The following INPP4B variants were observed in gnomAD, a reference collection of about 807,000 sequenced individuals.
INPP4B encodes the protein inositol polyphosphate-4-phosphatase type II B.
Under a neutral mutation model 122.5 loss-of-function variants are expected in INPP4B, and 55 were observed. That is an observed-to-expected ratio of 0.45 (90% CI 0.36 to 0.56). The LOEUF (loss-of-function observed/expected upper bound fraction) is 0.56. Ranked by LOEUF, INPP4B falls within the 20% of genes least tolerant of loss-of-function variation. INPP4B has a pLI of 0.00. For synonymous variants in INPP4B, 403 were observed against 388.7 expected (o/e 1.04, Z -0.43); for missense variants, 1,000 against 1,097.7 (o/e 0.91, Z 1.26).
In INPP4B at chr4:142,124,754, C is replaced by G. The variant is rs761859166; in HGVS notation, c.1727G>C (p.Trp576Ser). The change falls in exon 19 of 26, where the codon TGG becomes TCG. Residue 576 changes from tryptophan (W) to serine (S), a missense_variant. Trp to Ser is a radical substitution (Grantham distance 177). Coordinates refer to ENST00000262992, the MANE Select transcript of INPP4B (RefSeq NM_001101669.3). ...GATGAGGGGATACAACTGTTCATAC[C>G]AGTCCTCTGGGGGAAGGGGGTGTAA... is the stretch of plus-strand genomic sequence containing the variant. Reference protein sequence around the residue: ...DAIPSHPREDWYEQLYPLILT... With the variant: ...DAIPSHPREDSYEQLYPLILT... 6.4e-7 allele frequency: 1 copy of G among 1,552,542 alleles called. No homozygotes were observed. The highest frequency in any genetic ancestry group is 1.8e-5 in the Admixed American group (1 of 54,616).
At chr4:142,580,356 AT>A (rs1156608622) in intron 2 of INPP4B, among the ~76,000 whole-genome samples, 1 of 152,010 alleles carries the variant, frequency 6.6e-6, no homozygotes, top group Non-Finnish European at 1.5e-5. Context: ...TGCTCAGCAA[AT>A]ATTAGCAGTC....
intron 1 of INPP4B, among the ~76,000 whole-genome samples, chr4:142,739,924 C>G (rs1767659774): frequency 1.3e-5 from 2 of 151,934 alleles, no homozygotes; most frequent in Admixed American, 1.3e-4. Context: ...TGAAAAGAGA[C>G]ATGAAGAACA....
At chr4:142,119,381 GACTT>G (rs967654804) in intron 21 of INPP4B, among the ~76,000 whole-genome samples, 2 of 152,070 alleles carry the variant, frequency 1.3e-5, no homozygotes, top group African/African-American at 4.8e-5. Context: ...CAATAGCAAA[GACTT>G]GGAACCAACC....
intron 12 of INPP4B, 48 bp from the exon 13 acceptor site, chr4:142,209,074 A>G: frequency 2.1e-6 from 3 of 1,400,732 alleles, no homozygotes; most frequent in Non-Finnish European, 3.0e-6. Context: ...TCTTAAATCC[A>G]TAAACGCATA....
At chr4:142,565,957 G>A (rs565795411) in intron 2 of INPP4B, 1 of 152,250 alleles carries the variant, frequency 6.6e-6, no homozygotes, top group South Asian at 2.1e-4. Flanking sequence ...TAGTATAAGA[G>A]ACACACCAAC....
chr4:142,721,018 C>T (rs959791075), intron 2 of INPP4B, among the ~76,000 whole-genome samples: 3 of 149,908 alleles, frequency 2.0e-5, no homozygotes, highest in African/African-American at 7.4e-5. Flanking sequence ...ATCTAGTGGA[C>T]ATGTTACCAA....
intron 7 of INPP4B, among the ~76,000 whole-genome samples, chr4:142,392,458 T>C (rs958795368): frequency 2.0e-5 from 3 of 152,210 alleles, no homozygotes; most frequent in African/African-American, 7.2e-5. Flanking sequence ...TTGATAAAGA[T>C]GAAAGCCCAA....
chr4:142,182,319 T>C (rs1831160038), intron 15 of INPP4B, among the ~76,000 whole-genome samples: 1 of 151,938 alleles, frequency 6.6e-6, no homozygotes, highest in Non-Finnish European at 1.5e-5. Context: ...GAGGCTGAGG[T>C]GGGCGGATCA....
At chr4:142,553,953 G>A (rs925513324) in intron 2 of INPP4B, among the ~76,000 whole-genome samples, 4 of 152,114 alleles carry the variant, frequency 2.6e-5, no homozygotes, top group Admixed American at 6.5e-5. Context: ...CACTTTGGGA[G>A]GCCGAAGTGG....
At chr4:142,809,304 G>A (rs948098784) in intron 1 of INPP4B, among the ~76,000 whole-genome samples, 2 of 152,040 alleles carry the variant, frequency 1.3e-5, no homozygotes, top group Non-Finnish European at 2.9e-5. Flanking sequence ...TATAAGAAAA[G>A]ACGTTAAGAG....
intron 18 of INPP4B, among the ~76,000 whole-genome samples, chr4:142,143,595 A>C (rs1049272599): frequency 6.6e-6 from 1 of 152,074 alleles, no homozygotes; most frequent in African/African-American, 2.4e-5. Context: ...ATTTAAGTTA[A>C]AAATAAAATA....
chr4:142,721,662 A>C (rs1764701985), intron 2 of INPP4B, among the ~76,000 whole-genome samples: 1 of 152,138 alleles, frequency 6.6e-6, no homozygotes, highest in Non-Finnish European at 1.5e-5. Context: ...CTCTACTAAA[A>C]ATACAAAAAT....
chr4:142,289,976 C>T (rs566186728), intron 9 of INPP4B, among the ~76,000 whole-genome samples: 16 of 152,196 alleles, frequency 1.1e-4, no homozygotes, highest in African/African-American at 3.4e-4. Flanking sequence ...TCACTCCTCC[C>T]TTGAATTAAG....
intron 15 of INPP4B, among the ~76,000 whole-genome samples, chr4:142,180,532 A>G (rs1170499890): frequency 6.6e-6 from 1 of 152,248 alleles, no homozygotes; most frequent in East Asian, 1.9e-4. Context: ...CTAGTTTTTC[A>G]GGGATTATAT....
Position 142,336,685 on chromosome 4 carries a change from G to C in INPP4B, c.373-21923C>G, listed in dbSNP as rs193016714. On this transcript the variant is annotated intron_variant, in intron 7 of 25. Transcript: ENST00000262992. ...CCAGATGCTGGTGCCCAAGGCGGAA[G>C]CCAATTGTAGCACGTTGGGCCCAGT... is the stretch of plus-strand genomic sequence containing the variant. 5.1e-4 allele frequency among the ~76,000 whole-genome samples: 77 copies of C among 152,346 alleles called. 1 individual carries two copies. Among genetic ancestry groups the C allele is most frequent in the Non-Finnish European group, 5.9e-5 (4 of 68,032 alleles).
chr4:142,187,995 A>G (rs1281985764), intron 15 of INPP4B, among the ~76,000 whole-genome samples: 1 of 152,142 alleles, frequency 6.6e-6, no homozygotes, highest in Non-Finnish European at 1.5e-5. Flanking sequence ...ATATGTGGGA[A>G]AAAAAGACTG....
At chr4:142,441,275 T>G (rs749441089) in intron 3 of INPP4B, among the ~76,000 whole-genome samples, 2 of 152,132 alleles carry the variant, frequency 1.3e-5, no homozygotes, top group African/African-American at 4.8e-5. Context: ...TAAGCCAAGA[T>G]AGAAGTATAT....
At chr4:142,067,242 C>G (rs936892820) in intron 25 of INPP4B, among the ~76,000 whole-genome samples, 1 of 152,222 alleles carries the variant, frequency 6.6e-6, no homozygotes, top group Admixed American at 6.5e-5. Flanking sequence ...CAAACTCCAA[C>G]AGACCTGCAG....
intron 18 of INPP4B, among the ~76,000 whole-genome samples, chr4:142,133,576 C>G (rs1333126028): frequency 6.6e-6 from 1 of 152,150 alleles, no homozygotes; most frequent in Admixed American, 6.6e-5. Context: ...TCCTCTTGTT[C>G]AAAACTCTCT....
Sources: allele counts gnomAD v4.1 joint callset (sites outside exome capture counted in the v4.1 genomes callset), GRCh38; gene constraint gnomAD v4.1.1; transcripts MANE v1.5; gene names NCBI Gene and HGNC (gene_info 2026-07-23, HGNC 2026-07-21).